ARFGEF3: variants seen among roughly 807,000 people sequenced by gnomAD.
The protein encoded by ARFGEF3 is ARFGEF family member 3.
Under a neutral mutation model 221.7 loss-of-function variants are expected in ARFGEF3, and 96 were observed. The ratio of observed to expected loss-of-function variants is 0.43; its 90% CI spans 0.37 to 0.51. The LOEUF is 0.51. Among genes scored for constraint, ARFGEF3 ranks in the 20% least tolerant of loss-of-function variants. The pLI, the probability that ARFGEF3 is intolerant of heterozygous loss-of-function variation, is 0.00. For missense variants in ARFGEF3, 2,410 were observed against 2,789.9 expected (o/e 0.86, Z 3.07); for synonymous variants, 1,145 against 1,126.8 (o/e 1.02, Z -0.32).
At chr6:138,211,962 A>G (rs1467305398) in intron 4 of ARFGEF3, among the ~76,000 whole-genome samples, 1 of 152,208 alleles carries the variant, frequency 6.6e-6, no homozygotes, top group African/African-American at 2.4e-5. Context: ...GTCTGGGAGG[A>G]AAGTCAGACA....
intron 6 of ARFGEF3, among the ~76,000 whole-genome samples, chr6:138,242,383 T>G (rs554390988): frequency 2.4e-4 from 36 of 152,290 alleles, no homozygotes; most frequent in African/African-American, 8.4e-4. Flanking sequence ...TAGTTCTGGA[T>G]GTACCTAGCC....
chr6:138,315,995 A>G (rs1156787749), intron 26 of ARFGEF3, among the ~76,000 whole-genome samples: 1 of 152,234 alleles, frequency 6.6e-6, no homozygotes, highest in African/African-American at 2.4e-5. Context: ...GATAAGAACA[A>G]TTTTTACTTA....
chr6:138,193,182 C>T (rs960287700), intron 2 of ARFGEF3, among the ~76,000 whole-genome samples: 3 of 152,208 alleles, frequency 2.0e-5, no homozygotes, highest in Admixed American at 6.5e-5. Flanking sequence ...GCTCCACGAA[C>T]CCCCTCTGTA....
At chr6:138,181,852 C>T (rs956533873) in intron 2 of ARFGEF3, among the ~76,000 whole-genome samples, 2 of 152,160 alleles carry the variant, frequency 1.3e-5, no homozygotes, top group Non-Finnish European at 2.9e-5. Context: ...CCCAAATTTC[C>T]TGCTTTCGTT....
At chr6:138,190,711 G>C (rs1257899441) in intron 2 of ARFGEF3, among the ~76,000 whole-genome samples, 1 of 152,184 alleles carries the variant, frequency 6.6e-6, no homozygotes, top group East Asian at 1.9e-4. Flanking sequence ...TCTCAGTGCT[G>C]TGTTTCCTGG....
intron 24 of ARFGEF3, among the ~76,000 whole-genome samples, chr6:138,309,948 C>T (rs902009743): frequency 1.3e-5 from 2 of 152,202 alleles, no homozygotes; most frequent in African/African-American, 4.8e-5. Flanking sequence ...ACCTCACAGA[C>T]ACACCCAGAA....
At chr6:138,210,266 A>G (rs904324302) in intron 4 of ARFGEF3, among the ~76,000 whole-genome samples, 5 of 152,226 alleles carry the variant, frequency 3.3e-5, no homozygotes, top group Non-Finnish European at 1.5e-5. Flanking sequence ...CTTGTTCTGC[A>G]TTAAAGGCCA....
intron 33 of ARFGEF3, among the ~76,000 whole-genome samples, chr6:138,335,441 T>C (rs1273233373): frequency 4.6e-5 from 7 of 152,056 alleles, no homozygotes; most frequent in African/African-American, 1.7e-4. Flanking sequence ...GTAATGTATA[T>C]TATTGAGAAT....
At chr6:138,197,066 C>T (rs1471838029) in intron 2 of ARFGEF3, among the ~76,000 whole-genome samples, 1 of 152,208 alleles carries the variant, frequency 6.6e-6, no homozygotes. Flanking sequence ...CTCCTGACCT[C>T]AGGTGATCCA....
intron 2 of ARFGEF3, among the ~76,000 whole-genome samples, chr6:138,184,731 G>A (rs1489368513): frequency 1.3e-5 from 2 of 152,202 alleles, no homozygotes; most frequent in Non-Finnish European, 2.9e-5. Context: ...CTCTATCAGT[G>A]TGTTCTGTTT....
chr6:138,258,928 G>T (rs1260384739), intron 10 of ARFGEF3, among the ~76,000 whole-genome samples: 1 of 152,196 alleles, frequency 6.6e-6, no homozygotes, highest in Non-Finnish European at 1.5e-5. Context: ...GTCTCTAAAT[G>T]TGTTTTAAAT....
intron 2 of ARFGEF3, among the ~76,000 whole-genome samples, chr6:138,185,732 C>T (rs1777170688): frequency 6.6e-6 from 1 of 152,104 alleles, no homozygotes; most frequent in Non-Finnish European, 1.5e-5. Flanking sequence ...CATATTAGAG[C>T]CTCGACCTTT....
intron 10 of ARFGEF3, among the ~76,000 whole-genome samples, chr6:138,257,205 A>G (rs890250532): frequency 2.6e-5 from 4 of 152,194 alleles, no homozygotes; most frequent in Non-Finnish European, 4.4e-5. Flanking sequence ...TTTGGAGGCC[A>G]GTGAGACTAG....
At chr6:138,278,362 C>T in intron 12 of ARFGEF3, 89 bp from the exon 13 acceptor site, 3 of 1,158,108 alleles carry the variant, frequency 2.6e-6, no homozygotes, top group Non-Finnish European at 3.8e-6. Context: ...GATGCAGTAT[C>T]TCTCACGATG....
chr6:138,193,480 C>T (rs1340269527), intron 2 of ARFGEF3, among the ~76,000 whole-genome samples: 1 of 152,142 alleles, frequency 6.6e-6, no homozygotes, highest in Non-Finnish European at 1.5e-5. Flanking sequence ...TCTCATTCAT[C>T]GTTATGTGTC....
At chr6:138,324,309 A>G (rs1456221206) in intron 31 of ARFGEF3, among the ~76,000 whole-genome samples, 155 bp downstream of exon 31, 6 of 152,182 alleles carry the variant, frequency 3.9e-5, no homozygotes, top group African/African-American at 1.2e-4. Context: ...ATTCTTTGCC[A>G]GAAATGACAT....
chr6:138,188,326 G>T (rs147724246), intron 2 of ARFGEF3, among the ~76,000 whole-genome samples: 1 of 152,278 alleles, frequency 6.6e-6, no homozygotes, highest in Non-Finnish European at 1.5e-5. Context: ...CGGTAATGAG[G>T]ATCTGTCCTG....
At chr6:138,172,352 C>T (rs901068037) in intron 2 of ARFGEF3, among the ~76,000 whole-genome samples, 3 of 152,268 alleles carry the variant, frequency 2.0e-5, no homozygotes, top group East Asian at 1.9e-4. Flanking sequence ...GACGTTGCCA[C>T]GTCTCCTTTT....
intron 6 of ARFGEF3, among the ~76,000 whole-genome samples, chr6:138,242,156 G>A (rs947992251): frequency 4.6e-5 from 7 of 152,166 alleles, no homozygotes; most frequent in African/African-American, 1.7e-4. Context: ...AATTAAATCA[G>A]CACCATGGGA....
Sources: gnomAD v4.1 joint callset for allele counts (sites outside exome capture counted in the v4.1 genomes callset) on GRCh38, gnomAD v4.1.1 for gene constraint, MANE v1.5 for transcripts, NCBI Gene and HGNC (gene_info 2026-07-23, HGNC 2026-07-21) for gene names.